Variants in OR1J2 observed in about 807,000 individuals in gnomAD.
The protein encoded by OR1J2 is olfactory receptor family 1 subfamily J member 2, also known as olfactory receptor 1J2.
For missense variants in OR1J2, 304 were observed against 246.1 expected (o/e 1.24, Z -1.57); for synonymous variants, 142 against 99.7 (o/e 1.42, Z -2.52).
chr9:122,519,000 A>G, the OR1J2 span: 1 of 626,196 alleles, frequency 1.6e-6, no homozygotes, highest in African/African-American at 1.8e-5. Context: ...GATTTTTTGT[A>G]GGGACATAGC....
At chr9:122,515,413 C>G (rs1327561866), downstream of OR1J2, among the ~76,000 whole-genome samples, 2 of 145,576 alleles carry the variant, frequency 1.4e-5, no homozygotes, top group South Asian at 2.2e-4. Context: ...CAGCATTTCT[C>G]TGTGCTCTTC....
chr9:122,571,374 A>G, the OR1J2 span, among the ~76,000 whole-genome samples: 1 of 151,970 alleles, frequency 6.6e-6, no homozygotes, highest in African/African-American at 2.4e-5. Context: ...ACACGGTTAA[A>G]TCCTGTCTCT....
At chr9:122,515,352 T>TTGTGTGTGTGTGTGTGTGTGTGTGTGTG (rs10651846), downstream of OR1J2, among the ~76,000 whole-genome samples, 8 of 135,714 alleles carry the variant, frequency 5.9e-5, no homozygotes, top group African/African-American at 1.7e-4. Context: ...CAGGAGCAGG[T>TTGTGTGTGTGTGTGTGTGTGTGTGTGTG]TGTGTGTGTG....
chr9:122,535,214 T>C, the OR1J2 span, among the ~76,000 whole-genome samples: 9 of 151,016 alleles, frequency 6.0e-5, no homozygotes, highest in African/African-American at 2.2e-4. Context: ...AAATAAGAGG[T>C]CGGGGCATGG....
the OR1J2 span, among the ~76,000 whole-genome samples, chr9:122,535,215 C>T: frequency 3.2e-4 from 49 of 151,638 alleles, no homozygotes; most frequent in African/African-American, 8.0e-4. Flanking sequence ...AATAAGAGGT[C>T]GGGGCATGGA....
At chr9:122,576,704 C>T in the OR1J2 span, 138 of 152,324 alleles carry the variant, frequency 9.1e-4, 1 homozygote, top group African/African-American at 2.9e-3. Flanking sequence ...GAGATTTTAA[C>T]TCTCAGACTT....
chr9:122,451,611 T>C, the OR1J2 span, among the ~76,000 whole-genome samples: 1 of 152,262 alleles, frequency 6.6e-6, no homozygotes, highest in African/African-American at 2.4e-5. Context: ...AAGTTTTAGT[T>C]TGACTTCTCA....
the OR1J2 span, chr9:122,527,196 T>C: frequency 6.8e-6 from 11 of 1,613,968 alleles, no homozygotes; most frequent in African/African-American, 1.3e-5. Context: ...GGTGACAAGA[T>C]ACATACACAG....
chr9:122,494,019 A>G, the OR1J2 span, among the ~76,000 whole-genome samples: 1 of 152,112 alleles, frequency 6.6e-6, no homozygotes, highest in African/African-American at 2.4e-5. Flanking sequence ...TTGATTTCCA[A>G]TTTTATTCCA....
At chr9:122,478,091 G>GA in the OR1J2 span, among the ~76,000 whole-genome samples, 1 of 152,210 alleles carries the variant, frequency 6.6e-6, no homozygotes, top group Non-Finnish European at 1.5e-5. Flanking sequence ...CAAATGTGCT[G>GA]AAAAAGAAAT....
At chr9:122,568,250 T>A in the OR1J2 span, 3 of 1,613,984 alleles carry the variant, frequency 1.9e-6, no homozygotes, top group Non-Finnish European at 2.5e-6. Flanking sequence ...GGACAACGCT[T>A]GTTGTAAAGC....
the OR1J2 span, among the ~76,000 whole-genome samples, chr9:122,468,979 A>T: frequency 1.3e-5 from 2 of 152,208 alleles, no homozygotes; most frequent in South Asian, 2.1e-4. Context: ...CCTGTGGACA[A>T]TGCTGAGTTG....
chr9:122,571,273 C>T, the OR1J2 span, among the ~76,000 whole-genome samples: 145 of 152,160 alleles, frequency 9.5e-4, no homozygotes, highest in African/African-American at 3.1e-3. Context: ...CCATGCATGC[C>T]GGGCGCGGTG....
At chr9:122,504,048 T>C in the OR1J2 span, among the ~76,000 whole-genome samples, 1 of 152,210 alleles carries the variant, frequency 6.6e-6, no homozygotes, top group Non-Finnish European at 1.5e-5. Flanking sequence ...ACAACGTAGT[T>C]AGATGATCTG....
At chr9:122,477,598 A>G in the OR1J2 span, 7 of 1,614,216 alleles carry the variant, frequency 4.3e-6, no homozygotes, top group Non-Finnish European at 5.1e-6. Context: ...GAAACTGTCT[A>G]AGTCAGCAAA....
chr9:122,511,299 G>A lies in OR1J2; in HGVS notation c.498G>A (p.Leu166=), dbSNP rs113455966. 4.9e-3 allele frequency: 3,557 copies of A among 732,976 alleles called. 105 individuals carry two copies. In the African/African-American group the frequency reaches 0.056, roughly 11 times the overall value. 45.4% of individuals were successfully genotyped at this position (732,976 alleles called of 1,614,324 possible). A position where few individuals can be genotyped will look rare whatever the true frequency, so the allele number is the denominator to read the frequency against. ...CTCACACCCTTCTCCTGACCCGGCT[G>A]TCTTTCTGTGCTGCGAACACCATCC... is the stretch of plus-strand genomic sequence containing the variant. The part of the protein sequence containing the change: ...SLSHTLLLTR[L]SFCAANTIPH... Residue 166 remains leucine, a synonymous_variant, in exon 1 of 1, where the codon CTG becomes CTA. Transcript: ENST00000335302.
At chr9:122,575,422 G>T in the OR1J2 span, among the ~76,000 whole-genome samples, 1 of 151,950 alleles carries the variant, frequency 6.6e-6, no homozygotes, top group Admixed American at 6.6e-5. Context: ...TTGACATATT[G>T]TTGACATATC....
chr9:122,461,360 A>G, the OR1J2 span, among the ~76,000 whole-genome samples: 3 of 151,512 alleles, frequency 2.0e-5, no homozygotes, highest in Non-Finnish European at 4.4e-5. Flanking sequence ...TTGTACATCT[A>G]TTGAGATAAT....
At chr9:122,473,155 A>G in the OR1J2 span, among the ~76,000 whole-genome samples, 3 of 152,198 alleles carry the variant, frequency 2.0e-5, no homozygotes, top group Non-Finnish European at 2.9e-5. Flanking sequence ...TGGATCTGTC[A>G]TAAAAAATCC....
Sources: allele counts gnomAD v4.1 joint callset (sites outside exome capture counted in the v4.1 genomes callset), GRCh38; gene constraint gnomAD v4.1.1; transcripts MANE v1.5; gene names NCBI Gene and HGNC (gene_info 2026-07-23, HGNC 2026-07-21).